METTL15: variants seen among roughly 807,000 people sequenced by gnomAD.
METTL15 encodes methyltransferase 15, mitochondrial 12S rRNA N4-cytidine.
Under a neutral mutation model 38.3 loss-of-function variants are expected in METTL15, and 34 were observed. The ratio of observed to expected loss-of-function variants is 0.89; its 90% CI spans 0.68 to 1.18. The LOEUF is 1.18. METTL15 is among the 50% of genes most tolerant of loss of function. The probability of loss-of-function intolerance (pLI) is 0.00; values close to 1 mark genes in which losing one functional copy is unlikely to be tolerated. For synonymous variants in METTL15, 162 were observed against 170.9 expected, an observed-to-expected ratio of 0.95 and a Z score of 0.41; for missense variants, 438 against 498.4, an observed-to-expected ratio of 0.88 and a Z score of 1.15.
At chr11:28,122,333 A>ATGTGTGTGTGTGTGTG (rs61147516) in intron 3 of METTL15, among the ~76,000 whole-genome samples, 1 of 112,042 alleles carries the variant, frequency 8.9e-6, no homozygotes, top group Non-Finnish European at 1.8e-5. Context: ...ATGTGTGTAT[A>ATGTGTGTGTGTGTGTG]TGTGTGTGTG....
chr11:28,463,395 A>G (rs1851231708), intron 6 of METTL15, among the ~76,000 whole-genome samples: 1 of 152,178 alleles, frequency 6.6e-6, no homozygotes, highest in Admixed American at 6.5e-5. Context: ...AAGATCTCTC[A>G]GGGACAAATT....
At chr11:28,364,322 A>C (rs957672196) in intron 5 of METTL15, among the ~76,000 whole-genome samples, 3 of 151,894 alleles carry the variant, frequency 2.0e-5, no homozygotes, top group Non-Finnish European at 4.4e-5. Flanking sequence ...AGCATGAAAT[A>C]TTTTTCTATT....
chr11:28,285,083 G>A (rs763961215), intron 4 of METTL15, among the ~76,000 whole-genome samples: 38 of 152,144 alleles, frequency 2.5e-4, no homozygotes, highest in Admixed American at 1.5e-3. Context: ...CACTTACTCC[G>A]TCCTCCCTCC....
intron 6 of METTL15, among the ~76,000 whole-genome samples, chr11:28,512,283 C>T (rs902292096): frequency 3.3e-5 from 5 of 152,250 alleles, no homozygotes; most frequent in South Asian, 2.1e-4. Context: ...AAGTGGATCC[C>T]GCACCGGGGC....
At chr11:28,147,469 A>G (rs1006427404) in intron 3 of METTL15, among the ~76,000 whole-genome samples, 1 of 151,850 alleles carries the variant, frequency 6.6e-6, no homozygotes, top group Non-Finnish European at 1.5e-5. Flanking sequence ...ATGACATGTT[A>G]TAATTTAATT....
At chr11:28,307,599 T>C (rs1270783324) in intron 6 of METTL15, among the ~76,000 whole-genome samples, 1 of 151,988 alleles carries the variant, frequency 6.6e-6, no homozygotes, top group African/African-American at 2.4e-5. Flanking sequence ...TTTTAAATGG[T>C]AAATCAGGCT....
At chr11:28,400,852 C>T (rs1850624098) in intron 5 of METTL15, among the ~76,000 whole-genome samples, 1 of 151,880 alleles carries the variant, frequency 6.6e-6, no homozygotes, top group African/African-American at 2.4e-5. Context: ...TTCTCCTAAC[C>T]AGCCTCAATC....
rs796790663 is a variant in METTL15 at position 28,296,268 on chromosome 11, C to G, written c.600-485C>G. Among the ~76,000 whole-genome samples, 10 of 152,188 alleles carry G rather than the reference C, an allele frequency of 6.6e-5. 1 individual carries two copies. The highest frequency in any genetic ancestry group is 2.4e-4 in the African/African-American group (10 of 41,552). On this transcript the variant is annotated intron_variant, in intron 5 of 6. Coordinates refer to ENST00000407364, the MANE Select transcript of METTL15 (RefSeq NM_001113528.2). ...CAGCAGTATGTTTTTTATAGATTTG[C>G]TAAGTTCAATTTGTGTCTCCACAAG...
intron 5 of METTL15, among the ~76,000 whole-genome samples, chr11:28,379,353 A>T (rs898266124): frequency 6.6e-5 from 10 of 152,058 alleles, no homozygotes; most frequent in Non-Finnish European, 5.9e-5. Flanking sequence ...ATTGCTATAA[A>T]TGTCCCTCTT....
rs139468350 is a variant in METTL15, at chr11:28,401,445, G to T, written c.*359-22854G>T. 1.1e-4 allele frequency among the ~76,000 whole-genome samples: 17 copies of T among 151,928 alleles called. No homozygotes were observed. In the East Asian group the frequency reaches 3.3e-3, roughly 29 times the overall value. ...TTCTGGTCTTCTCTCATATGTGTGT[G>T]ATTTATGTTTTTCTCCTTTTATTGA... On this transcript the variant is annotated intron_variant and NMD_transcript_variant, in intron 5 of 7. Coordinates refer to the METTL15 transcript ENST00000532947.
chr11:28,394,257 A>G (rs1224820314), intron 5 of METTL15, among the ~76,000 whole-genome samples: 1 of 152,108 alleles, frequency 6.6e-6, no homozygotes, highest in Non-Finnish European at 1.5e-5. Context: ...CATTTCTGTT[A>G]ATTAACAGAT....
chr11:28,290,193 G>C lies in METTL15; in HGVS notation c.408-13G>C. ...ACAGAAGTGTTTTCTCTATCTCCTG[G>C]GTTTACTCACAGTAAACAAATCCGA... On this transcript the variant is annotated splice_polypyrimidine_tract_variant and intron_variant, in intron 4 of 6. Transcript: ENST00000407364. 6.3e-7 allele frequency: 1 copy of C among 1,597,396 alleles called. No individual in the cohort carries two copies. Among genetic ancestry groups the C allele is most frequent in the Non-Finnish European group, 8.5e-7 (1 of 1,170,946 alleles).
intron 3 of METTL15, among the ~76,000 whole-genome samples, chr11:28,135,372 G>A (rs1290916292): frequency 6.6e-6 from 1 of 152,140 alleles, no homozygotes; most frequent in Non-Finnish European, 1.5e-5. Context: ...CCCAGTCATG[G>A]GTTTGTACCC....
intron 6 of METTL15, among the ~76,000 whole-genome samples, chr11:28,447,188 A>G (rs1362594238): frequency 3.9e-5 from 6 of 152,096 alleles, no homozygotes; most frequent in African/African-American, 1.5e-4. Context: ...AACTTTGAGC[A>G]TCTTAGGCTG....
intron 3 of METTL15, among the ~76,000 whole-genome samples, chr11:28,119,893 T>C (rs1272236193): frequency 6.6e-6 from 1 of 152,208 alleles, no homozygotes; most frequent in Admixed American, 6.5e-5. Flanking sequence ...GACTCCAAAT[T>C]GTTAAAGAGA....
intron 3 of METTL15, among the ~76,000 whole-genome samples, chr11:28,351,230 G>A (rs1850039117): frequency 6.6e-6 from 1 of 152,032 alleles, no homozygotes; most frequent in African/African-American, 2.4e-5. Flanking sequence ...TCCTGTCTCA[G>A]CCTCCTGAGT....
intron 4 of METTL15, among the ~76,000 whole-genome samples, chr11:28,261,886 A>G (rs550485284): frequency 6.6e-6 from 1 of 152,360 alleles, no homozygotes; most frequent in South Asian, 2.1e-4. Flanking sequence ...AATCTTCATT[A>G]TAAACTAACC....
intron 4 of METTL15, among the ~76,000 whole-genome samples, chr11:28,228,474 G>C (rs1165430447): frequency 8.6e-5 from 13 of 151,866 alleles, no homozygotes. Flanking sequence ...AATGAGTCAT[G>C]AAATCATTTT....
Position 28,330,864 on chromosome 11 carries a change from A to C in METTL15, c.*23A>C. ...TAAGTTATCATCATCTTATTCTTCA[A>C]ATTTTTTTCTCACAATTTCTCTAAT... On this transcript the variant is annotated 3_prime_UTR_variant, in exon 7 of 7. Coordinates refer to ENST00000407364, the MANE Select transcript of METTL15 (RefSeq NM_001113528.2). 1 of 1,501,972 alleles carries C rather than the reference A, an allele frequency of 6.7e-7. No homozygotes were observed. Among genetic ancestry groups the C allele is most frequent in the Non-Finnish European group, 8.9e-7 (1 of 1,125,262 alleles). 93.0% of individuals were successfully genotyped at this position (1,501,972 alleles called of 1,614,324 possible). A position where few individuals can be genotyped will look rare whatever the true frequency, so the allele number is the denominator to read the frequency against.
Sources: allele counts gnomAD v4.1 joint callset (sites outside exome capture counted in the v4.1 genomes callset), GRCh38; gene constraint gnomAD v4.1.1; transcripts MANE v1.5; gene names NCBI Gene and HGNC (gene_info 2026-07-23, HGNC 2026-07-21).